The following ADCY5 variants were observed in gnomAD, a reference collection of about 807,000 sequenced individuals.
ADCY5 encodes adenylate cyclase 5, also known as adenylate cyclase type 5.
In ADCY5, 30 loss-of-function variants were observed where a neutral mutation model predicts 119.7. That is an observed-to-expected ratio of 0.25 (90% CI 0.19 to 0.34). The LOEUF is 0.34. ADCY5 is among the 10% of genes least tolerant of loss of function. ADCY5 has a pLI of 1.00. For missense variants in ADCY5, 1,324 were observed against 1,775.2 expected (o/e 0.75, Z 4.57); for synonymous variants, 753 against 762.2 (o/e 0.99, Z 0.20).
At chr3:123,417,678 A>G (rs1165212893) in intron 1 of ADCY5, among the ~76,000 whole-genome samples, 1 of 152,220 alleles carries the variant, frequency 6.6e-6, no homozygotes, top group Non-Finnish European at 1.5e-5. Context: ...TGGCAGGTCT[A>G]AATCCGATCC....
At chr3:123,405,345 G>C (rs1310788354) in intron 1 of ADCY5, among the ~76,000 whole-genome samples, 2 of 152,246 alleles carry the variant, frequency 1.3e-5, no homozygotes, top group Admixed American at 1.3e-4. Flanking sequence ...GAGAAGCACG[G>C]ACAAGGCATG....
intron 1 of ADCY5, among the ~76,000 whole-genome samples, chr3:123,414,564 CT>C (rs200866043): frequency 1.3e-4 from 19 of 149,076 alleles, no homozygotes; most frequent in African/African-American, 2.0e-4. Flanking sequence ...TATGGCTTAC[CT>C]TTTTTTTTTG....
At chr3:123,290,075 C>T in intron 18 of ADCY5, 121 bp from the exon 19 acceptor site, 1 of 963,560 alleles carries the variant, frequency 1.0e-6, no homozygotes, top group Non-Finnish European at 1.6e-6. Flanking sequence ...GCTCTTCACA[C>T]AGTGGGGCCT....
At chr3:123,399,928 G>C (rs1349946582) in intron 1 of ADCY5, among the ~76,000 whole-genome samples, 1 of 152,154 alleles carries the variant, frequency 6.6e-6, no homozygotes, top group African/African-American at 2.4e-5. Context: ...GAAGGCCAGG[G>C]GTTAAGGGCT....
intron 1 of ADCY5, among the ~76,000 whole-genome samples, chr3:123,354,448 A>C (rs1942967725): frequency 6.6e-6 from 1 of 152,248 alleles, no homozygotes; most frequent in Non-Finnish European, 1.5e-5. Context: ...AAGAAAGTCC[A>C]GGAAGAAATA....
rs571346697 is a variant in ADCY5, at chr3:123,438,231, T to C, written c.1134+9181A>G. Reference sequence around the variant, plus strand: ...AAAATGGTGCTGGAGTCAAATGTGTTTGAAAAAGGCTTCGTGCCATAACCC... The same window carrying C: ...AAAATGGTGCTGGAGTCAAATGTGTCTGAAAAAGGCTTCGTGCCATAACCC... On this transcript the variant is annotated intron_variant, in intron 1 of 20. Transcript: ENST00000462833. Among the ~76,000 whole-genome samples, 10 of 152,328 alleles carry C rather than the reference T, an allele frequency of 6.6e-5. 3 individuals carry two copies. The highest frequency in any genetic ancestry group is 1.9e-4 in the African/African-American group (8 of 41,576).
At chr3:123,356,263 C>T in intron 1 of ADCY5, among the ~76,000 whole-genome samples, 1 of 151,992 alleles carries the variant, frequency 6.6e-6, no homozygotes, top group Non-Finnish European at 1.5e-5. Context: ...TATATCACAC[C>T]AAACATATAA....
chr3:123,311,516 G>A (rs1940577799), intron 12 of ADCY5, among the ~76,000 whole-genome samples: 1 of 152,158 alleles, frequency 6.6e-6, no homozygotes, highest in African/African-American at 2.4e-5. Flanking sequence ...GGAAGAAGAA[G>A]AATTCAGTGG....
chr3:123,320,888 TAG>T, intron 8 of ADCY5, 117 bp from the exon 9 acceptor site: 1 of 739,428 alleles, frequency 1.4e-6, no homozygotes, highest in South Asian at 1.5e-5. Flanking sequence ...GACGTGGACA[TAG>T]AGAGGATTGT....
At chr3:123,304,605 C>T (rs1035884149) in intron 12 of ADCY5, among the ~76,000 whole-genome samples, 1 of 151,904 alleles carries the variant, frequency 6.6e-6, no homozygotes, top group Non-Finnish European at 1.5e-5. Flanking sequence ...AGGGAGTGGG[C>T]AGCGGTGAGT....
At chr3:123,445,348 A>ACCC (rs1559881607) in intron 1 of ADCY5, among the ~76,000 whole-genome samples, 1 of 148,468 alleles carries the variant, frequency 6.7e-6, no homozygotes. Context: ...GGCCCCCCCC[A>ACCC]AGGCTCAGCA....
chr3:123,419,074 C>T (rs1250528374), intron 1 of ADCY5: 3 of 894,720 alleles, frequency 3.4e-6, no homozygotes, highest in Admixed American at 1.2e-4. Context: ...AGCCAATCCC[C>T]CACAGTAAAT....
At chr3:123,430,699 T>C (rs1015676737) in intron 1 of ADCY5, among the ~76,000 whole-genome samples, 1 of 152,182 alleles carries the variant, frequency 6.6e-6, no homozygotes, top group East Asian at 1.9e-4. Flanking sequence ...CAAATCCACA[T>C]GTGGTCATTC....
rs570338180 is a variant in ADCY5, at chr3:123,446,759, C to T, written c.1134+653G>A. ...TTCAACAACAGCTTTCTGCTCAGGC[C>T]GGAAGGGGAATTGCCACCACACACA... On this transcript the variant is annotated intron_variant, in intron 1 of 20. Transcript: ENST00000462833. Among the ~76,000 whole-genome samples, 12 of 152,216 alleles carry T rather than the reference C, an allele frequency of 7.9e-5. No homozygotes were observed. In the South Asian group the frequency reaches 1.9e-3, roughly 24 times the overall value.
Position 123,449,062 on chromosome 3 carries a change from G to A in ADCY5, c.-517C>T. The A allele has an allele frequency of 6.5e-6, 1 of 153,006 alleles. No homozygotes were observed. Among genetic ancestry groups the A allele is most frequent in the Non-Finnish European group, 1.5e-5 (1 of 68,634 alleles). The allele number at this position is 153,006 out of a possible 1,614,324, so 9.5% of individuals were successfully genotyped here. On this transcript the variant is annotated 5_prime_UTR_variant, in exon 1 of 21. Coordinates refer to ENST00000462833, the MANE Select transcript of ADCY5 (RefSeq NM_183357.3). ...CCCGGCGAAGAGACACTGCGGGTGCGCTTTCCTCGCAGCGGACTGGGAGCG... is the reference window on the plus strand; with the variant it reads ...CCCGGCGAAGAGACACTGCGGGTGCACTTTCCTCGCAGCGGACTGGGAGCG...
intron 1 of ADCY5, among the ~76,000 whole-genome samples, chr3:123,440,727 C>T (rs726835): frequency 0.039 from 5,908 of 152,180 alleles, 465 homozygotes; most frequent in East Asian, 0.34. Context: ...ACTCACCAGA[C>T]GAATGAATAA....
rs111798331 is a variant in ADCY5 at position 123,420,539 on chromosome 3, C to T, written c.1134+26873G>A. On this transcript the variant is annotated intron_variant, in intron 1 of 20. Coordinates refer to ENST00000462833, the MANE Select transcript of ADCY5 (RefSeq NM_183357.3). ...CTGTGCCCCAGGCCCTACAGATGGC[C>T]GCATCTCCATTCTCCTACACGGCCA... Among the ~76,000 whole-genome samples the T allele has an allele frequency of 1.9e-3, 294 of 152,220 alleles. 1 individual carries two copies. The highest frequency in any genetic ancestry group is 5.3e-3 in the Admixed American group (81 of 15,292).
intron 3 of ADCY5, among the ~76,000 whole-genome samples, chr3:123,344,257 A>G (rs1942422167): frequency 6.6e-6 from 1 of 152,170 alleles, no homozygotes; most frequent in Non-Finnish European, 1.5e-5. Context: ...ACAGCATGTC[A>G]TCACCCTCTC....
chr3:123,346,641 C>G (rs9857544), intron 3 of ADCY5, among the ~76,000 whole-genome samples: 74,057 of 146,802 alleles, frequency 0.5, 18,941 homozygotes, highest in African/African-American at 0.58. Flanking sequence ...CTCTCTCTCT[C>G]TGTGTGTATG....
Sources: allele counts gnomAD v4.1 joint callset (sites outside exome capture counted in the v4.1 genomes callset), GRCh38; gene constraint gnomAD v4.1.1; transcripts MANE v1.5; gene names NCBI Gene and HGNC (gene_info 2026-07-23, HGNC 2026-07-21).